RALYL: variants seen among roughly 807,000 people sequenced by gnomAD.
RALYL encodes RNA-binding Raly-like protein.
RALYL carries 29 observed loss-of-function variants against 35.1 expected under a neutral mutation model. That is an observed-to-expected ratio of 0.83 (90% CI 0.61 to 1.13). The LOEUF is 1.13. Ranked by LOEUF, RALYL falls within the 50% of genes most tolerant of loss-of-function variation. The pLI is 0.00. For synonymous variants in RALYL, 120 were observed against 127.6 expected, an observed-to-expected ratio of 0.94 and a Z score of 0.40; for missense variants, 359 against 360.4, an observed-to-expected ratio of 1.00 and a Z score of 0.03.
At chr8:84,765,292 T>C (rs142549109) in intron 2 of RALYL, among the ~76,000 whole-genome samples, 4 of 152,272 alleles carry the variant, frequency 2.6e-5, no homozygotes, top group South Asian at 2.1e-4. Flanking sequence ...CAAAATCTTA[T>C]GAAGAACAAG....
rs1317627935 is a variant in RALYL, at chr8:84,679,064, G to T, written c.257-95515G>T. The T allele has an allele frequency of 1.0e-5, 3 of 299,026 alleles. No individual in the cohort carries two copies. The East Asian group carries it at 2.5e-4, about 25-fold the overall frequency. The allele number at this position is 299,026 out of a possible 1,614,324, so 18.5% of individuals were successfully genotyped here. A position where few individuals can be genotyped will look rare whatever the true frequency, so the allele number is the denominator to read the frequency against. On this transcript the variant is annotated intron_variant, in intron 2 of 8. Transcript: ENST00000521268. ...GCTGCAAATAAGCAAATGCTCCAGG[G>T]TGAACAATGTTTACAGGTTGCAAGG... is the stretch of plus-strand genomic sequence containing the variant.
intron 1 of RALYL, among the ~76,000 whole-genome samples, chr8:84,376,588 T>C (rs550517658): frequency 2.1e-4 from 32 of 151,838 alleles, no homozygotes; most frequent in Non-Finnish European, 4.3e-4. Flanking sequence ...TGGCAAGTTG[T>C]CAAAACTGAG....
intron 1 of RALYL, among the ~76,000 whole-genome samples, chr8:84,418,862 TG>T (rs2045070386): frequency 6.6e-6 from 1 of 151,890 alleles, no homozygotes; most frequent in Non-Finnish European, 1.5e-5. Flanking sequence ...CTTAGAGGCC[TG>T]CCATTTCTTT....
intron 1 of RALYL, among the ~76,000 whole-genome samples, chr8:84,302,274 T>G (rs1263838812): frequency 6.6e-6 from 1 of 152,126 alleles, no homozygotes; most frequent in African/African-American, 2.4e-5. Context: ...ACTGAAAAAT[T>G]TATTCTTGTT....
chr8:84,880,584 T>C (rs745563390), intron 7 of RALYL, among the ~76,000 whole-genome samples: 2 of 152,008 alleles, frequency 1.3e-5, no homozygotes, highest in African/African-American at 2.4e-5. Flanking sequence ...TTCCTAAAGA[T>C]ACGCCAATAC....
intron 1 of RALYL, among the ~76,000 whole-genome samples, chr8:84,492,141 A>G (rs1328640844): frequency 6.6e-6 from 1 of 152,030 alleles, no homozygotes; most frequent in Non-Finnish European, 1.5e-5. Context: ...AAATTTGAAT[A>G]TAGTGTACAA....
chr8:84,755,625 G>T (rs958527137), intron 2 of RALYL, among the ~76,000 whole-genome samples: 5 of 152,190 alleles, frequency 3.3e-5, no homozygotes, highest in South Asian at 2.1e-4. Flanking sequence ...TGAGTGCTGT[G>T]TCTGTATAAA....
intron 3 of RALYL, among the ~76,000 whole-genome samples, chr8:84,782,146 C>T (rs1030735240): frequency 6.6e-6 from 1 of 152,124 alleles, no homozygotes; most frequent in African/African-American, 2.4e-5. Flanking sequence ...TCTCCCAAGG[C>T]AGTTTACTAT....
intron 1 of RALYL, among the ~76,000 whole-genome samples, chr8:84,245,586 G>T (rs927190415): frequency 1.3e-5 from 2 of 152,108 alleles, no homozygotes; most frequent in Non-Finnish European, 2.9e-5. Context: ...TGTTCTTATT[G>T]TTGTTGTCAT....
intron 1 of RALYL, among the ~76,000 whole-genome samples, chr8:84,471,313 T>A (rs1048761343): frequency 2.0e-5 from 3 of 152,066 alleles, no homozygotes; most frequent in Admixed American, 6.6e-5. Context: ...CCAGGGACAG[T>A]GTCTCACACC....
At chr8:84,836,038 T>A (rs1323941454) in intron 4 of RALYL, among the ~76,000 whole-genome samples, 1 of 152,210 alleles carries the variant, frequency 6.6e-6, no homozygotes, top group Non-Finnish European at 1.5e-5. Context: ...AAGGGTTTTA[T>A]GCTGTTGCTG....
chr8:84,434,234 G>C (rs1480278073), intron 1 of RALYL, among the ~76,000 whole-genome samples: 1 of 151,998 alleles, frequency 6.6e-6, no homozygotes, highest in Non-Finnish European at 1.5e-5. Flanking sequence ...AGTCATATTA[G>C]ATTAGGGCCC....
intron 1 of RALYL, among the ~76,000 whole-genome samples, chr8:84,409,151 C>T (rs2043853228): frequency 6.6e-6 from 1 of 151,962 alleles, no homozygotes; most frequent in South Asian, 2.1e-4. Context: ...CTTGCATAAA[C>T]TAATATCAAA....
chr8:84,629,503 C>T (rs1372066046), intron 2 of RALYL, among the ~76,000 whole-genome samples: 1 of 151,930 alleles, frequency 6.6e-6, no homozygotes, highest in East Asian at 1.9e-4. Context: ...ACTTAATCCT[C>T]AATAATGGCA....
intron 2 of RALYL, among the ~76,000 whole-genome samples, chr8:84,692,051 T>C (rs556038448): frequency 6.6e-6 from 1 of 152,044 alleles, no homozygotes; most frequent in Non-Finnish European, 1.5e-5. Context: ...AAAAAAACTT[T>C]GGAAAATCAA....
chr8:84,604,642 T>C (rs1051327751), intron 2 of RALYL, among the ~76,000 whole-genome samples: 5 of 152,182 alleles, frequency 3.3e-5, no homozygotes, highest in Non-Finnish European at 7.4e-5. Flanking sequence ...TTTAAGAGGT[T>C]ATTGTCTCTG....
At chr8:84,421,812 G>C (rs1325619086) in intron 1 of RALYL, among the ~76,000 whole-genome samples, 1 of 142,618 alleles carries the variant, frequency 7.0e-6, no homozygotes, top group Admixed American at 7.1e-5. Flanking sequence ...TAATCATGTG[G>C]TTTTTGTCTT....
chr8:84,626,939 CCAGT>C (rs1461513392), intron 2 of RALYL, among the ~76,000 whole-genome samples: 7 of 152,060 alleles, frequency 4.6e-5, no homozygotes, highest in Non-Finnish European at 1.0e-4. Context: ...CACTGACAGA[CCAGT>C]CAATTAAACC....
intron 1 of RALYL, among the ~76,000 whole-genome samples, chr8:84,306,383 G>T (rs1344789757): frequency 2.6e-5 from 4 of 152,098 alleles, no homozygotes; most frequent in Non-Finnish European, 5.9e-5. Context: ...ATAGATTCTG[G>T]AACCATGTCT....
Sources: gnomAD v4.1 joint callset for allele counts (sites outside exome capture counted in the v4.1 genomes callset) on GRCh38, gnomAD v4.1.1 for gene constraint, MANE v1.5 for transcripts, NCBI Gene and HGNC (gene_info 2026-07-23, HGNC 2026-07-21) for gene names.